Variants in MYO5B observed in about 807,000 individuals in gnomAD.
The protein encoded by MYO5B is myosin VB, also known as unconventional myosin-Vb.
MYO5B carries 143 observed loss-of-function variants against 229.3 expected under a neutral mutation model. The observed-to-expected ratio is 0.62, with a 90% confidence interval of 0.54 to 0.72. The LOEUF is 0.72. Among genes scored for constraint, MYO5B ranks in the 30% least tolerant of loss-of-function variants. The pLI, the probability that MYO5B is intolerant of heterozygous loss-of-function variation, is 0.00. For synonymous variants in MYO5B, 918 were observed against 885.2 expected (o/e 1.04, Z -0.66); for missense variants, 2,321 against 2,331.0 (o/e 1.00, Z 0.09).
intron 1 of MYO5B, among the ~76,000 whole-genome samples, chr18:50,104,167 T>TAAAAAAAAAAAAAAAAAAAA (rs144294604): frequency 7.6e-6 from 1 of 131,486 alleles, no homozygotes; most frequent in East Asian, 2.2e-4. Context: ...ACTTGTCTAT[T>TAAAAAAAAAAAAAAAAAAAA]AAAAAGAAAA....
intron 1 of MYO5B, among the ~76,000 whole-genome samples, chr18:50,178,452 G>T (rs985853619): frequency 6.6e-6 from 1 of 152,200 alleles, no homozygotes; most frequent in Non-Finnish European, 1.5e-5. Flanking sequence ...CTCAGCAACA[G>T]AAAACACTTG....
intron 2 of MYO5B, among the ~76,000 whole-genome samples, chr18:50,042,690 T>C (rs1226906094): frequency 6.6e-6 from 1 of 152,162 alleles, no homozygotes; most frequent in Non-Finnish European, 1.5e-5. Context: ...AGGATTCTAA[T>C]CAGACCTCCC....
chr18:50,080,004 T>C (rs1158791271), intron 1 of MYO5B, among the ~76,000 whole-genome samples: 1 of 152,212 alleles, frequency 6.6e-6, no homozygotes. Context: ...AGTTCAATTG[T>C]GGTAAATATA....
chr18:49,901,918 A>C (rs2024846075), intron 21 of MYO5B, among the ~76,000 whole-genome samples: 1 of 151,822 alleles, frequency 6.6e-6, no homozygotes, highest in African/African-American at 2.4e-5. Context: ...TAGACAAGCT[A>C]CTCCAGTCAA....
rs779461811 is a variant in MYO5B at position 49,836,872 on chromosome 18, G to A, written c.5152C>T (p.Gln1718Ter). 6.2e-7 allele frequency: 1 copy of A among 1,614,020 alleles called. No individual in the cohort carries two copies. The highest frequency in any genetic ancestry group is 1.1e-5 in the South Asian group (1 of 91,062). The part of the protein sequence containing the change: ...TGMQLRYNIS[Q>*]LEEWLRGRNL... ...CTTCCCCGAAGCCACTCCTCAAGCT[G>A]ACTTATATTGTACCTTAGCCATAGG... Residue 1718 changes from glutamine to a stop codon, truncating the protein, a stop_gained, in exon 38 of 40, where the codon CAG (glutamine) becomes TAG (stop). Coordinates refer to ENST00000285039, the MANE Select transcript of MYO5B (RefSeq NM_001080467.3). LOFTEE classifies it high-confidence loss of function.
Position 49,974,604 on chromosome 18 carries a change from T to G in MYO5B, c.1068A>C (p.Val356=). ...GCAGTCGGCAGAAGTTGCTTAGGTA[T>G]ACATCCTGGGGCTGTGGGAGATGGG... ...GDSCSISPQD[V]YLSNFCRLLG... is the part of the protein sequence containing the mutation. Residue 356 remains valine (V), a synonymous_variant, in exon 10 of 40, where the codon GTA becomes GTC. Transcript: ENST00000285039. 6.2e-7 allele frequency: 1 copy of G among 1,613,886 alleles called. No individual in the cohort carries two copies. Among genetic ancestry groups the G allele is most frequent in the Non-Finnish European group, 8.5e-7 (1 of 1,179,914 alleles).
chr18:50,079,883 G>C (rs943492296), intron 1 of MYO5B, among the ~76,000 whole-genome samples: 41 of 152,194 alleles, frequency 2.7e-4, no homozygotes, highest in African/African-American at 8.7e-4. Flanking sequence ...AGGGCAGAGG[G>C]GTTTTGTTGC....
intron 1 of MYO5B, among the ~76,000 whole-genome samples, chr18:50,151,640 C>T (rs951296266): frequency 6.6e-6 from 1 of 152,096 alleles, no homozygotes; most frequent in Admixed American, 6.6e-5. Flanking sequence ...AAGAAAAATG[C>T]TTGGCTCTAG....
At chr18:50,128,597 G>C (rs572685464) in intron 1 of MYO5B, among the ~76,000 whole-genome samples, 4 of 152,282 alleles carry the variant, frequency 2.6e-5, no homozygotes, top group African/African-American at 9.6e-5. Flanking sequence ...CTTGAGAACA[G>C]AGGACTCTCA....
At chr18:50,043,810 G>T (rs181250607) in intron 2 of MYO5B, among the ~76,000 whole-genome samples, 3 of 151,208 alleles carry the variant, frequency 2.0e-5, no homozygotes, top group African/African-American at 4.9e-5. Context: ...ACCAAACATT[G>T]TATGTTCTCA....
chr18:49,978,318 C>T (rs1413634824), intron 9 of MYO5B, among the ~76,000 whole-genome samples: 1 of 152,208 alleles, frequency 6.6e-6, no homozygotes, highest in Non-Finnish European at 1.5e-5. Context: ...ACTCACTTCC[C>T]TTCTCACCTG....
At chr18:49,921,841 C>T (rs1473166939) in intron 17 of MYO5B, among the ~76,000 whole-genome samples, 4 of 152,190 alleles carry the variant, frequency 2.6e-5, no homozygotes, top group Non-Finnish European at 4.4e-5. Flanking sequence ...CCTGGGATGA[C>T]GCATTTTCTT....
chr18:49,836,204 A>C (rs1278198980), intron 38 of MYO5B, among the ~76,000 whole-genome samples: 1 of 152,210 alleles, frequency 6.6e-6, no homozygotes, highest in Non-Finnish European at 1.5e-5. Flanking sequence ...AGGGAAAAGG[A>C]AAGTAACACT....
chr18:49,949,145 G>C (rs572018124), intron 14 of MYO5B, among the ~76,000 whole-genome samples: 22 of 152,256 alleles, frequency 1.4e-4, no homozygotes, highest in Middle Eastern at 3.4e-3. Context: ...ATACTGCCCA[G>C]TACACCCTCA....
rs142536034 is a variant in MYO5B at position 50,128,714 on chromosome 18, G to A, written c.27+66053C>T. ...GCCACGTGCCAGCACCTAAGAATCC[G>A]AGATCCTTTACACATCCCCAGTCTG... On this transcript the variant is annotated intron_variant, in intron 1 of 39. Transcript: ENST00000285039. Among the ~76,000 whole-genome samples the A allele has an allele frequency of 8.7e-4, 132 of 152,286 alleles. 1 individual carries two copies. The highest frequency in any genetic ancestry group is 6.8e-3 in the South Asian group (33 of 4,822).
At chr18:49,922,097 C>G (rs1859276741) in intron 17 of MYO5B, among the ~76,000 whole-genome samples, 1 of 152,232 alleles carries the variant, frequency 6.6e-6, no homozygotes, top group South Asian at 2.1e-4. Context: ...TCAGGTCCCT[C>G]TGGTCCTATG....
intron 1 of MYO5B, among the ~76,000 whole-genome samples, chr18:50,192,449 C>G (rs1331697732): frequency 2.6e-5 from 4 of 152,184 alleles, no homozygotes; most frequent in Admixed American, 2.0e-4. Flanking sequence ...GAGCAGAGAT[C>G]ACAGCAACAT....
chr18:49,902,711 C>A lies in MYO5B; in HGVS notation c.2694G>T (p.Lys898Asn). The stretch of plus-strand genomic sequence containing the variant: ...TGAGGGCCTTCAGCTCCCGCCTGGC[C>A]TTGAGCATCCGGAAGGCACACTGGA... ...IVIQCAFRML[K>N]ARRELKALRI... The change falls in exon 21 of 40, where the codon AAG becomes AAT. Residue 898 changes from lysine (K) to asparagine (N), a missense_variant. Lys to Asn is a moderately conservative substitution (Grantham distance 94). Around this residue, in one of 2 missense-constraint regions of MYO5B, gnomAD observed 2,113 missense variants for 2,044.7 expected, o/e 1.03. Transcript: ENST00000285039. 6.2e-7 allele frequency: 1 copy of A among 1,611,646 alleles called. No individual in the cohort carries two copies. The highest frequency in any genetic ancestry group is 1.1e-5 in the South Asian group (1 of 91,080).
chr18:49,869,636 G>A (rs2024435598), intron 27 of MYO5B, among the ~76,000 whole-genome samples: 1 of 152,198 alleles, frequency 6.6e-6, no homozygotes, highest in Non-Finnish European at 1.5e-5. Flanking sequence ...TCTTCCTCAA[G>A]GACAGCTAAA....
Sources: gnomAD v4.1 joint callset for allele counts (sites outside exome capture counted in the v4.1 genomes callset) on GRCh38, gnomAD v4.1.1 for gene constraint, gnomAD v4.1.1 regional missense constraint, MANE v1.5 for transcripts, NCBI Gene and HGNC (gene_info 2026-07-23, HGNC 2026-07-21) for gene names.